ARHGAP26: variants seen among roughly 807,000 people sequenced by gnomAD.
ARHGAP26 encodes the protein Rho GTPase activating protein 26.
In ARHGAP26, 38 loss-of-function variants were observed where a neutral mutation model predicts 104.8. The ratio of observed to expected loss-of-function variants is 0.36; its 90% CI spans 0.28 to 0.48. The LOEUF (loss-of-function observed/expected upper bound fraction) is 0.48. Among genes scored for constraint, ARHGAP26 ranks in the 20% least tolerant of loss-of-function variants. The probability of loss-of-function intolerance (pLI) is 0.99; values close to 1 mark genes in which losing one functional copy is unlikely to be tolerated. For missense variants in ARHGAP26, 704 were observed against 947.9 expected (o/e 0.74, Z 3.38); for synonymous variants, 341 against 340.0 (o/e 1.00, Z -0.03).
intron 19 of ARHGAP26, among the ~76,000 whole-genome samples, chr5:143,138,150 G>GTGTTT (rs1487898458): frequency 1.2e-4 from 18 of 152,176 alleles, no homozygotes; most frequent in African/African-American, 1.4e-4. Flanking sequence ...AGGTGGTTTT[G>GTGTTT]TGTTTTGTTT....
chr5:142,858,005 C>T (rs541319033), intron 1 of ARHGAP26, among the ~76,000 whole-genome samples: 3 of 151,380 alleles, frequency 2.0e-5, no homozygotes, highest in East Asian at 1.9e-4. Flanking sequence ...TCAAGAAACA[C>T]GTCTCCAAAG....
chr5:142,879,141 T>C (rs1598049604), intron 3 of ARHGAP26, among the ~76,000 whole-genome samples: 1 of 152,198 alleles, frequency 6.6e-6, no homozygotes, highest in Non-Finnish European at 1.5e-5. Context: ...ATTTTTACTT[T>C]TAAATAATCA....
chr5:142,908,095 AAATTATTG>A (rs1354181763), intron 9 of ARHGAP26, among the ~76,000 whole-genome samples: 1 of 152,196 alleles, frequency 6.6e-6, no homozygotes, highest in Non-Finnish European at 1.5e-5. Flanking sequence ...TATATGCTGA[AAATTATTG>A]AATAACCTCA....
rs536919888 is a variant in ARHGAP26, at chr5:143,029,392, G to GTTTTTTTTTTTTTTTTTTTTT, written c.1145-7794_1145-7774dup. ...CATGTTAGAAATCCTTTACTTCTCAGTTTTTTTTTTTTTTTTTTTTTTTTT... is the reference window on the plus strand; with the variant it reads ...CATGTTAGAAATCCTTTACTTCTCAGTTTTTTTTTTTTTTTTTTTTTTTTTTTTTTTTTTTTTTTTTTTTTT... On this transcript the variant is annotated intron_variant, in intron 12 of 22. Coordinates refer to ENST00000645722, the MANE Select transcript of ARHGAP26 (RefSeq NM_001135608.3). Among the ~76,000 whole-genome samples the GTTTTTTTTTTTTTTTTTTTTT allele has an allele frequency of 3.7e-5, 3 of 80,812 alleles. 1 individual carries two copies. 53.0% of individuals were successfully genotyped at this position (80,812 alleles called of 152,430 possible). A position where few individuals can be genotyped will look rare whatever the true frequency, so the allele number is the denominator to read the frequency against.
chr5:143,143,387 C>T (rs533436764), intron 19 of ARHGAP26, among the ~76,000 whole-genome samples: 11 of 152,260 alleles, frequency 7.2e-5, no homozygotes, highest in East Asian at 3.9e-4. Flanking sequence ...AAAGTGAAGT[C>T]GCTTAGCTCC....
At chr5:142,944,908 T>G (rs1032592701) in intron 11 of ARHGAP26, among the ~76,000 whole-genome samples, 4 of 152,098 alleles carry the variant, frequency 2.6e-5, no homozygotes, top group Non-Finnish European at 4.4e-5. Flanking sequence ...GGCTGGTGTA[T>G]CCTGTTTTCT....
chr5:143,021,527 G>A (rs1017152601), intron 12 of ARHGAP26, among the ~76,000 whole-genome samples: 14 of 152,080 alleles, frequency 9.2e-5, no homozygotes, highest in Non-Finnish European at 1.9e-4. Context: ...GGTAGATTCC[G>A]CCACGTGGAT....
chr5:142,918,033 G>A (rs755181066), intron 10 of ARHGAP26, among the ~76,000 whole-genome samples: 13 of 152,148 alleles, frequency 8.5e-5, no homozygotes, highest in Admixed American at 1.3e-4. Context: ...TTTGAACAAC[G>A]AATGAACTGA....
At chr5:143,076,820 A>G (rs1018907144) in intron 17 of ARHGAP26, among the ~76,000 whole-genome samples, 35 of 152,160 alleles carry the variant, frequency 2.3e-4, no homozygotes, top group African/African-American at 8.2e-4. Flanking sequence ...AAACTAGTTC[A>G]TCTCTTTAAA....
At chr5:143,048,845 T>G (rs1598796401) in intron 14 of ARHGAP26, among the ~76,000 whole-genome samples, 1 of 141,560 alleles carries the variant, frequency 7.1e-6, no homozygotes, top group African/African-American at 2.6e-5. Context: ...ACGTGGGAGG[T>G]GGAGGTTGCA....
At chr5:143,070,158 G>T (rs1168072270) in intron 17 of ARHGAP26, among the ~76,000 whole-genome samples, 3 of 152,106 alleles carry the variant, frequency 2.0e-5, no homozygotes, top group African/African-American at 7.2e-5. Context: ...GGTTAGTCAG[G>T]TTTTCTTGTT....
chr5:142,966,384 T>C (rs572539715), intron 11 of ARHGAP26, among the ~76,000 whole-genome samples: 1 of 152,352 alleles, frequency 6.6e-6, no homozygotes, highest in East Asian at 1.9e-4. Flanking sequence ...TCTCATTTTT[T>C]CTACATGCCT....
rs141406822 is a variant in ARHGAP26, at chr5:143,014,511, G to A, written c.1144+395G>A. 7.9e-5 allele frequency: 15 copies of A among 190,194 alleles called. No homozygotes were observed. In the East Asian group the frequency reaches 2.0e-3, roughly 26 times the overall value. The allele number at this position is 190,194 out of a possible 1,614,324, so 11.8% of individuals were successfully genotyped here. Reference sequence around the variant, plus strand: ...CCAAAGTTGCTGTTGCCTCCAGCACGGTCTCGCTCAAAGGACTGGAGAGGC... The same window carrying A: ...CCAAAGTTGCTGTTGCCTCCAGCACAGTCTCGCTCAAAGGACTGGAGAGGC... On this transcript the variant is annotated intron_variant, in intron 12 of 22. Coordinates refer to ENST00000645722, the MANE Select transcript of ARHGAP26 (RefSeq NM_001135608.3).
intron 20 of ARHGAP26, among the ~76,000 whole-genome samples, chr5:143,200,145 G>A (rs1202242353): frequency 6.6e-6 from 1 of 152,130 alleles, no homozygotes; most frequent in Non-Finnish European, 1.5e-5. Flanking sequence ...TCTGAACACT[G>A]AAAAAATGTT....
chr5:142,799,042 C>T lies in ARHGAP26; in HGVS notation c.154+28127C>T, dbSNP rs189002452. ...TGTTCCTTCCCAATCTGGTATACCT[C>T]GAAGAGATAATGTGTTCCACATTAA... On this transcript the variant is annotated intron_variant, in intron 1 of 22. Coordinates refer to ENST00000645722, the MANE Select transcript of ARHGAP26 (RefSeq NM_001135608.3). Among the ~76,000 whole-genome samples, 245 of 152,242 alleles carry T rather than the reference C, an allele frequency of 1.6e-3. 1 individual carries two copies. Among genetic ancestry groups the T allele is most frequent in the African/African-American group, 5.4e-3 (223 of 41,542 alleles).
chr5:143,215,078 C>T (rs1217163861), intron 22 of ARHGAP26, among the ~76,000 whole-genome samples: 2 of 152,254 alleles, frequency 1.3e-5, no homozygotes, highest in Non-Finnish European at 2.9e-5. Context: ...GTCCCCCACA[C>T]AGGCCCAGGC....
chr5:142,823,106 G>GT (rs1345147964), intron 1 of ARHGAP26, among the ~76,000 whole-genome samples: 1 of 152,200 alleles, frequency 6.6e-6, no homozygotes, highest in Non-Finnish European at 1.5e-5. Flanking sequence ...CCATTTTACA[G>GT]CTGAGTTTCT....
At chr5:142,980,352 C>CTTTATTTTATTTTATTTAAT in intron 11 of ARHGAP26, among the ~76,000 whole-genome samples, 1 of 131,536 alleles carries the variant, frequency 7.6e-6, no homozygotes, top group South Asian at 2.6e-4. Context: ...CTCTAGGAAC[C>CTTTATTTTATTTTATTTAAT]TTTATTTTAT....
At position 143,084,438 on chromosome 5, in the gene ARHGAP26, G is replaced by A. The variant is rs981292953; in HGVS notation, c.1538+26691G>A. Among the ~76,000 whole-genome samples the A allele has an allele frequency of 5.3e-5, 8 of 152,238 alleles. No individual in the cohort carries two copies. In the East Asian group the frequency reaches 9.7e-4, roughly 18 times the overall value. On this transcript the variant is annotated intron_variant, in intron 17 of 22. Coordinates refer to ENST00000645722, the MANE Select transcript of ARHGAP26 (RefSeq NM_001135608.3). ...TCACCCTCTTTTTGTTCCCTTGAGC[G>A]GAATGCATGGGGTGCTTATGGGAAA... is the stretch of plus-strand genomic sequence containing the variant.
Sources: gnomAD v4.1 joint callset for allele counts (sites outside exome capture counted in the v4.1 genomes callset) on GRCh38, gnomAD v4.1.1 for gene constraint, MANE v1.5 for transcripts, NCBI Gene and HGNC (gene_info 2026-07-23, HGNC 2026-07-21) for gene names.